Variants in PRKCZ observed in about 807,000 individuals in gnomAD.
PRKCZ encodes protein kinase C zeta, also known as protein kinase C zeta type.
In PRKCZ, 33 loss-of-function variants were observed where a neutral mutation model predicts 79.5. The ratio of observed to expected loss-of-function variants is 0.41; its 90% CI spans 0.31 to 0.55. PRKCZ has a LOEUF of 0.55. Among genes scored for constraint, PRKCZ ranks in the 20% least tolerant of loss-of-function variants. The pLI, the probability that PRKCZ is intolerant of heterozygous loss-of-function variation, is 0.19. For synonymous variants in PRKCZ, 342 were observed against 320.9 expected, an observed-to-expected ratio of 1.07 and a Z score of -0.70; for missense variants, 578 against 813.5, an observed-to-expected ratio of 0.71 and a Z score of 3.52.
intron 4 of PRKCZ, among the ~76,000 whole-genome samples, chr1:2,078,132 G>A (rs1184069832): frequency 6.6e-6 from 1 of 152,202 alleles, no homozygotes; most frequent in African/African-American, 2.4e-5. Context: ...CATGCCGTGG[G>A]GCTTCCCTGT....
rs931438840 is a variant in PRKCZ, at chr1:2,127,708, G to A, written c.335-7554G>A. 6.6e-6 allele frequency among the ~76,000 whole-genome samples: 1 copy of A among 152,246 alleles called. No individual in the cohort carries two copies. Among genetic ancestry groups the A allele is most frequent in the Non-Finnish European group, 1.5e-5 (1 of 68,040 alleles). Reference sequence around the variant, plus strand: ...ACGGCGTCTCCCGCGGCTCCCGGTGGCTTTTTAGGACTCTGCGTTCGTGTT... The same window carrying A: ...ACGGCGTCTCCCGCGGCTCCCGGTGACTTTTTAGGACTCTGCGTTCGTGTT... On this transcript the variant is annotated intron_variant, in intron 4 of 17. Transcript: ENST00000378567. The surrounding 1 kb of genome is among the most constrained non-coding windows in gnomAD (Gnocchi z 5.1).
intron 4 of PRKCZ, among the ~76,000 whole-genome samples, chr1:2,098,831 A>G (rs191100654): frequency 2.0e-5 from 3 of 151,882 alleles, no homozygotes; most frequent in African/African-American, 4.8e-5. Context: ...ACAGGCGCCC[A>G]CCACCACAGT....
intron 3 of PRKCZ, among the ~76,000 whole-genome samples, chr1:2,057,716 A>G (rs1271242351): frequency 6.6e-6 from 1 of 151,774 alleles, no homozygotes; most frequent in Non-Finnish European, 1.5e-5. Context: ...AACTTGTTTT[A>G]TTTTTTTGAG....
chr1:2,083,109 G>A (rs1230993250), intron 4 of PRKCZ, among the ~76,000 whole-genome samples: 1 of 152,152 alleles, frequency 6.6e-6, no homozygotes, highest in Non-Finnish European at 1.5e-5. Flanking sequence ...TATCGTTAGC[G>A]TTTCCCCTGT....
intron 4 of PRKCZ, among the ~76,000 whole-genome samples, chr1:2,093,562 A>C (rs974430992): frequency 2.6e-5 from 4 of 152,090 alleles, no homozygotes; most frequent in Admixed American, 6.5e-5. Flanking sequence ...TCCCTGGAAA[A>C]GGTCCTGGTG....
intron 4 of PRKCZ, among the ~76,000 whole-genome samples, chr1:2,063,396 T>TC (rs1346608227): frequency 2.0e-5 from 3 of 152,356 alleles, no homozygotes; most frequent in Admixed American, 1.3e-4. Context: ...CACTGCAGCC[T>TC]CCATCTCCTG....
intron 4 of PRKCZ, chr1:2,073,967 C>T: frequency 7.2e-7 from 1 of 1,385,896 alleles, no homozygotes; most frequent in Non-Finnish European, 9.3e-7. Flanking sequence ...TTTTCCGCGC[C>T]CCCGGGGCCG....
intron 4 of PRKCZ, among the ~76,000 whole-genome samples, chr1:2,103,083 T>C (rs1667774344): frequency 6.6e-6 from 1 of 152,192 alleles, no homozygotes; most frequent in Admixed American, 6.5e-5. Flanking sequence ...TTACCCAGGC[T>C]GGTCTGGAAT....
intron 5 of PRKCZ, 26 bp downstream of exon 5, chr1:2,135,373 CCT>C: frequency 6.4e-7 from 1 of 1,557,886 alleles, no homozygotes; most frequent in Non-Finnish European, 8.8e-7. Context: ...GGGACTAGTC[CCT>C]CAAGGGGCCT....
intron 4 of PRKCZ, among the ~76,000 whole-genome samples, chr1:2,087,176 G>A (rs896054298): frequency 2.4e-4 from 37 of 152,072 alleles, no homozygotes; most frequent in African/African-American, 6.3e-4. Flanking sequence ...ACTGCCTCCC[G>A]GGTTCAATTG....
chr1:2,140,786 T>C (rs532475544), intron 5 of PRKCZ, among the ~76,000 whole-genome samples: 4 of 152,222 alleles, frequency 2.6e-5, no homozygotes, highest in African/African-American at 9.6e-5. Context: ...CTGGCCAACA[T>C]GGCGAAACTT....
At position 2,113,980 on chromosome 1, in the gene PRKCZ, A is replaced by G. The variant is rs117892656; in HGVS notation, c.335-21282A>G. Among the ~76,000 whole-genome samples, 475 of 152,236 alleles carry G rather than the reference A, an allele frequency of 3.1e-3. 12 individuals carry two copies. The East Asian group carries it at 0.066, about 21-fold the overall frequency. ...CCTGGGGATTGGGTGCCACCGGTCAAGGGCTCCACGGGGCTGGCTCTGGGG... is the reference window on the plus strand; with the variant it reads ...CCTGGGGATTGGGTGCCACCGGTCAGGGGCTCCACGGGGCTGGCTCTGGGG... On this transcript the variant is annotated intron_variant, in intron 4 of 17. Transcript: ENST00000378567.
chr1:2,126,269 A>G (rs1673869593), intron 4 of PRKCZ, among the ~76,000 whole-genome samples: 2 of 152,124 alleles, frequency 1.3e-5, no homozygotes, highest in Non-Finnish European at 2.9e-5. Flanking sequence ...CTCAAAAACC[A>G]AAGTCTGCCA....
At chr1:2,097,245 G>A (rs975006464) in intron 4 of PRKCZ, among the ~76,000 whole-genome samples, 25 of 152,340 alleles carry the variant, frequency 1.6e-4, no homozygotes, top group Non-Finnish European at 2.8e-4. Flanking sequence ...TCTTGCTGTC[G>A]TCCGGTGCAG....
intron 4 of PRKCZ, among the ~76,000 whole-genome samples, chr1:2,089,345 G>A (rs923674229): frequency 3.9e-5 from 6 of 152,180 alleles, no homozygotes; most frequent in Admixed American, 2.6e-4. Flanking sequence ...GGTCGGGGTT[G>A]GGGACAGAGA....
intron 1 of PRKCZ, among the ~76,000 whole-genome samples, chr1:2,051,642 C>T (rs1659669113): frequency 1.3e-5 from 2 of 152,200 alleles, no homozygotes; most frequent in South Asian, 2.1e-4. Context: ...GCGTGGGCAA[C>T]CTGAGCCCCA....
rs1311835160 is a variant in PRKCZ, at chr1:2,178,039, G to T, written c.1575+2726G>T. ...GCTTTAGCTGTCCTCAGCAGGGTTG[G>T]TGTGGGGTCACCACCACCCCCATGT... On this transcript the variant is annotated intron_variant, in intron 16 of 17. Coordinates refer to ENST00000378567, the MANE Select transcript of PRKCZ (RefSeq NM_002744.6). This position sits in a 1 kb window ranked among gnomAD's most constrained non-coding sequence, Gnocchi z 4.3. 6.6e-6 allele frequency among the ~76,000 whole-genome samples: 1 copy of T among 152,220 alleles called. No homozygotes were observed. Among genetic ancestry groups the T allele is most frequent in the African/African-American group, 2.4e-5 (1 of 41,454 alleles).
At chr1:2,101,890 GGCGTGGTGGAT>G (rs1667501947) in intron 4 of PRKCZ, among the ~76,000 whole-genome samples, 1 of 152,200 alleles carries the variant, frequency 6.6e-6, no homozygotes, top group African/African-American at 2.4e-5. Context: ...GGATACAGCG[GGCGTGGTGGAT>G]TTATAACAGA....
chr1:2,102,410 G>A (rs975637856), intron 4 of PRKCZ, among the ~76,000 whole-genome samples: 2 of 151,672 alleles, frequency 1.3e-5, no homozygotes, highest in African/African-American at 4.8e-5. Flanking sequence ...TTGGCTCACT[G>A]CAAGCCCCGT....
Sources: allele counts gnomAD v4.1 joint callset (sites outside exome capture counted in the v4.1 genomes callset), GRCh38; gene constraint gnomAD v4.1.1; non-coding constraint Gnocchi (gnomAD v3.1); transcripts MANE v1.5; gene names NCBI Gene and HGNC (gene_info 2026-07-23, HGNC 2026-07-21).